TANGO6: variants seen among roughly 807,000 people sequenced by gnomAD.
TANGO6 encodes the protein transport and Golgi organization protein 6 homolog.
In TANGO6, 90 loss-of-function variants were observed where a neutral mutation model predicts 114.2. That is an observed-to-expected ratio of 0.79 (90% CI 0.66 to 0.94). TANGO6 has a LOEUF of 0.94. TANGO6 is among the 40% of genes least tolerant of loss of function. The pLI is 0.00. For synonymous variants in TANGO6, 477 were observed against 509.8 expected (o/e 0.94, Z 0.87); for missense variants, 1,274 against 1,315.3 (o/e 0.97, Z 0.49).
chr16:68,860,211 A>G lies in TANGO6; in HGVS notation c.422A>G (p.Gln141Arg), dbSNP rs373050466. 1.2e-6 allele frequency: 2 copies of G among 1,613,982 alleles called. No homozygotes were observed. The highest frequency in any genetic ancestry group is 2.7e-5 in the African/African-American group (2 of 75,020). The change falls in exon 2 of 18, where the codon CAA becomes CGA. Residue 141 changes from glutamine (Q) to arginine (R), a missense_variant. Gln to Arg is a conservative substitution (Grantham distance 43). Coordinates refer to ENST00000261778, the MANE Select transcript of TANGO6 (RefSeq NM_024562.2). ...AGCCCCGATGCACTTAGTATCTCAC[A>G]ACAGAAGACTGTCCAGTTCGTTTTG... ...ALSPDALSIS[Q>R]QKTVQFVLQF...
intron 1 of TANGO6, among the ~76,000 whole-genome samples, chr16:68,857,415 A>AC (rs1567524480): frequency 1.3e-5 from 2 of 151,724 alleles, no homozygotes; most frequent in Admixed American, 6.6e-5. Flanking sequence ...CTAAAAAAAA[A>AC]TCCTTTCACC....
chr16:69,024,683 CAGAAAA>C (rs1959469402), intron 16 of TANGO6, among the ~76,000 whole-genome samples: 1 of 152,162 alleles, frequency 6.6e-6, no homozygotes, highest in Non-Finnish European at 1.5e-5. Flanking sequence ...TGATGATAGA[CAGAAAA>C]AGACTAGTTA....
chr16:69,005,399 G>A (rs1221933129), intron 15 of TANGO6, among the ~76,000 whole-genome samples: 2 of 152,238 alleles, frequency 1.3e-5, no homozygotes, highest in African/African-American at 4.8e-5. Flanking sequence ...GGGGCACCCA[G>A]ACAATGGGAG....
chr16:68,910,556 T>C (rs1186705950), intron 11 of TANGO6, among the ~76,000 whole-genome samples: 2 of 152,198 alleles, frequency 1.3e-5, no homozygotes, highest in African/African-American at 4.8e-5. Flanking sequence ...GAAAAATGAT[T>C]TGTCCCATTA....
chr16:68,965,772 G>C (rs571268999), intron 14 of TANGO6, among the ~76,000 whole-genome samples: 2 of 152,208 alleles, frequency 1.3e-5, no homozygotes, highest in South Asian at 4.2e-4. Flanking sequence ...CTGCACTCCA[G>C]CCTGAGACAG....
chr16:69,027,917 A>C (rs1959531359), intron 16 of TANGO6, among the ~76,000 whole-genome samples: 1 of 151,998 alleles, frequency 6.6e-6, no homozygotes, highest in South Asian at 2.1e-4. Context: ...GGTAGCTGGG[A>C]TTACAGGCGC....
chr16:69,004,937 C>G (rs1007317511), intron 15 of TANGO6, among the ~76,000 whole-genome samples: 1 of 152,026 alleles, frequency 6.6e-6, no homozygotes, highest in African/African-American at 2.4e-5. Flanking sequence ...GGGTAGAAAA[C>G]AAGAAAAAGC....
At chr16:69,010,348 G>C (rs1300456987) in intron 15 of TANGO6, among the ~76,000 whole-genome samples, 1 of 152,102 alleles carries the variant, frequency 6.6e-6, no homozygotes, top group Admixed American at 6.5e-5. Flanking sequence ...ACTCCACCAA[G>C]AATGTATCTC....
chr16:68,978,925 A>AT (rs58270481), intron 15 of TANGO6, among the ~76,000 whole-genome samples: 68,982 of 134,650 alleles, frequency 0.51, 18,254 homozygotes, highest in Non-Finnish European at 0.58. Context: ...AAAGTATATG[A>AT]TTTTTTTTTT....
At chr16:68,908,204 C>G (rs1251904695) in intron 10 of TANGO6, among the ~76,000 whole-genome samples, 1 of 152,130 alleles carries the variant, frequency 6.6e-6, no homozygotes, top group African/African-American at 2.4e-5. Flanking sequence ...TAAAAGAACT[C>G]TAAGAGAGTT....
chr16:68,892,088 T>C (rs1420306992), intron 7 of TANGO6, among the ~76,000 whole-genome samples: 1 of 152,202 alleles, frequency 6.6e-6, no homozygotes, highest in African/African-American at 2.4e-5. Flanking sequence ...CACAGAAACA[T>C]TTATCAGGTA....
At chr16:69,028,961 A>G (rs1267505970) in intron 16 of TANGO6, among the ~76,000 whole-genome samples, 4 of 152,140 alleles carry the variant, frequency 2.6e-5, no homozygotes, top group African/African-American at 4.8e-5. Context: ...TGGGATCTAT[A>G]TGTTTTCTAA....
chr16:68,975,506 C>T (rs1262874305), intron 15 of TANGO6, among the ~76,000 whole-genome samples: 1 of 151,896 alleles, frequency 6.6e-6, no homozygotes, highest in East Asian at 1.9e-4. Flanking sequence ...TAAGCATGAG[C>T]CATTCTGCAT....
chr16:68,944,977 T>C (rs1269448494), intron 14 of TANGO6, among the ~76,000 whole-genome samples: 1 of 152,138 alleles, frequency 6.6e-6, no homozygotes, highest in Non-Finnish European at 1.5e-5. Context: ...TGAAAACCCA[T>C]GTCTACTAAA....
intron 7 of TANGO6, among the ~76,000 whole-genome samples, chr16:68,895,627 G>A (rs762716635): frequency 6.6e-6 from 1 of 152,158 alleles, no homozygotes; most frequent in Non-Finnish European, 1.5e-5. Context: ...TAGTGGTTAG[G>A]TGCTCAATAT....
chr16:68,923,003 A>C (rs543611617), intron 12 of TANGO6, among the ~76,000 whole-genome samples: 2 of 129,326 alleles, frequency 1.5e-5, no homozygotes, highest in Non-Finnish European at 3.1e-5. Context: ...GCTGGGGTGC[A>C]ATGGCACGAT....
chr16:68,845,408 A>T (rs1031118835), intron 1 of TANGO6, among the ~76,000 whole-genome samples: 1 of 152,212 alleles, frequency 6.6e-6, no homozygotes, highest in Non-Finnish European at 1.5e-5. Context: ...GAGTACACAT[A>T]TATGTACTCA....
chr16:68,857,596 CTGTCTTCCAAAG>C (rs1396945334), intron 1 of TANGO6, among the ~76,000 whole-genome samples: 4 of 152,146 alleles, frequency 2.6e-5, no homozygotes, highest in Non-Finnish European at 4.4e-5. Context: ...AACTGCCAAA[CTGTCTTCCAAAG>C]TGGCTATACT....
chr16:68,943,818 C>A (rs1426930752), intron 14 of TANGO6, among the ~76,000 whole-genome samples: 2 of 152,070 alleles, frequency 1.3e-5, no homozygotes, highest in African/African-American at 4.8e-5. Context: ...GCACGAAGGT[C>A]AAAATAATAT....
Sources: gnomAD v4.1 joint callset for allele counts (sites outside exome capture counted in the v4.1 genomes callset) on GRCh38, gnomAD v4.1.1 for gene constraint, MANE v1.5 for transcripts, NCBI Gene and HGNC (gene_info 2026-07-23, HGNC 2026-07-21) for gene names.